The following TMEM217 variants were observed in gnomAD, a reference collection of about 807,000 sequenced individuals.
TMEM217 encodes transmembrane protein 217.
For synonymous variants in TMEM217, 76 were observed against 88.3 expected (o/e 0.86, Z 0.78); for missense variants, 204 against 248.8 (o/e 0.82, Z 1.21).
intron 1 of TMEM217, among the ~76,000 whole-genome samples, chr6:37,254,262 G>A (rs1326528370): frequency 6.6e-6 from 1 of 152,140 alleles, no homozygotes; most frequent in African/African-American, 2.4e-5. Flanking sequence ...GGAAGCACTG[G>A]TCTAGTGGAC....
intron 1 of TMEM217, among the ~76,000 whole-genome samples, chr6:37,229,283 C>T (rs1449684732): frequency 6.8e-6 from 1 of 148,130 alleles, no homozygotes; most frequent in Non-Finnish European, 1.5e-5. Context: ...TGTGGGAGGT[C>T]GCTCTTCAAC....
intron 1 of TMEM217, among the ~76,000 whole-genome samples, chr6:37,221,813 C>T (rs1763538431): frequency 6.6e-6 from 1 of 152,130 alleles, no homozygotes; most frequent in Non-Finnish European, 1.5e-5. Flanking sequence ...AGTGTTAGAT[C>T]AGCTAAAAGG....
exon 1 of TMEM217, chr6:37,258,044 C>T: frequency 6.5e-7 from 1 of 1,543,078 alleles, no homozygotes; most frequent in Non-Finnish European, 8.8e-7. Flanking sequence ...CTGAATCCCG[C>T]GGGCCTGGGG....
downstream of TMEM217, among the ~76,000 whole-genome samples, chr6:37,213,801 ATCT>A (rs1204960971): frequency 7.2e-5 from 11 of 152,216 alleles, no homozygotes; most frequent in African/African-American, 2.2e-4. Context: ...CACAACCTGA[ATCT>A]TCTTCTTACT....
At chr6:37,218,169 CT>C (rs11404339) in exon 2 of TMEM217, 32,289 of 980,978 alleles carry the variant, frequency 0.033, no homozygotes, top group Non-Finnish European at 0.035. Context: ...AAGCTGCTAA[CT>C]TTTTTTTTTT....
At chr6:37,250,936 T>C (rs1422103693) in intron 1 of TMEM217, among the ~76,000 whole-genome samples, 1 of 152,258 alleles carries the variant, frequency 6.6e-6, no homozygotes, top group African/African-American at 2.4e-5. Flanking sequence ...ATCACCAATA[T>C]GATGGTATTA....
chr6:37,234,826 G>C (rs1764405984), intron 1 of TMEM217, among the ~76,000 whole-genome samples: 1 of 152,086 alleles, frequency 6.6e-6, no homozygotes, highest in Non-Finnish European at 1.5e-5. Context: ...ACTGAAAGTG[G>C]TTACCTGTGA....
chr6:37,226,907 T>C (rs1459029124), intron 1 of TMEM217, among the ~76,000 whole-genome samples: 1 of 152,230 alleles, frequency 6.6e-6, no homozygotes, highest in Non-Finnish European at 1.5e-5. Context: ...TAACAACTCA[T>C]GTATTGTCTT....
chr6:37,236,276 CT>C (rs1764498924), intron 1 of TMEM217, among the ~76,000 whole-genome samples: 1 of 152,200 alleles, frequency 6.6e-6, no homozygotes, highest in African/African-American at 2.4e-5. Context: ...GCATGAGCCA[CT>C]GTGCCTGGCC....
At chr6:37,213,167 T>C (rs1242830303), downstream of TMEM217, among the ~76,000 whole-genome samples, 5 of 152,228 alleles carry the variant, frequency 3.3e-5, no homozygotes, top group African/African-American at 1.2e-4. Flanking sequence ...TGGCCTAACT[T>C]GCTAGATGTG....
intron 1 of TMEM217, among the ~76,000 whole-genome samples, chr6:37,249,302 ATTCTTC>A (rs576424238): frequency 9.9e-5 from 15 of 151,792 alleles, no homozygotes; most frequent in South Asian, 4.2e-4. Context: ...ATTTCTTTTC[ATTCTTC>A]TTCTTCTTCT....
intron 1 of TMEM217, among the ~76,000 whole-genome samples, chr6:37,245,646 A>G (rs1765019908): frequency 6.6e-6 from 1 of 152,194 alleles, no homozygotes; most frequent in Non-Finnish European, 1.5e-5. Flanking sequence ...TATCATGGGC[A>G]GCAAAAACAC....
intron 1 of TMEM217, among the ~76,000 whole-genome samples, chr6:37,242,733 T>C (rs1378417582): frequency 6.6e-6 from 1 of 152,208 alleles, no homozygotes; most frequent in African/African-American, 2.4e-5. Context: ...CTTCTTCACC[T>C]GCTCATCTCT....
At chr6:37,228,992 G>A (rs1245906012) in intron 1 of TMEM217, among the ~76,000 whole-genome samples, 1 of 150,546 alleles carries the variant, frequency 6.6e-6, no homozygotes, top group Non-Finnish European at 1.5e-5. Flanking sequence ...GAGAGACTCC[G>A]TCTCAAAAAA....
At chr6:37,237,807 T>C (rs1368367158) in intron 1 of TMEM217, among the ~76,000 whole-genome samples, 1 of 152,150 alleles carries the variant, frequency 6.6e-6, no homozygotes, top group Non-Finnish European at 1.5e-5. Context: ...TCTTTCTCTA[T>C]ATATATACAC....
At chr6:37,256,484 T>A (rs1765740273) in intron 1 of TMEM217, among the ~76,000 whole-genome samples, 1 of 152,134 alleles carries the variant, frequency 6.6e-6, no homozygotes, top group Admixed American at 6.5e-5. Context: ...TAGAGGGGCT[T>A]TTTTTCTCTG....
chr6:37,228,592 T>C (rs991400529), intron 1 of TMEM217, among the ~76,000 whole-genome samples: 2 of 152,164 alleles, frequency 1.3e-5, no homozygotes, highest in African/African-American at 4.8e-5. Context: ...TAGTCCCAGA[T>C]ACTCGGGAGG....
chr6:37,231,913 A>G (rs996144975), intron 1 of TMEM217, among the ~76,000 whole-genome samples: 9 of 151,808 alleles, frequency 5.9e-5, no homozygotes, highest in African/African-American at 1.9e-4. Flanking sequence ...TGTGGCTAAA[A>G]AAAAATTACA....
chr6:37,218,081 G>T, exon 2 of TMEM217: 1 of 1,013,564 alleles, frequency 9.9e-7, no homozygotes, highest in Non-Finnish European at 1.2e-6. Context: ...AAAGGAAATA[G>T]AACTACCCTG....
Sources: allele counts gnomAD v4.1 joint callset (sites outside exome capture counted in the v4.1 genomes callset), GRCh38; gene constraint gnomAD v4.1.1; transcripts MANE v1.5; gene names NCBI Gene and HGNC (gene_info 2026-07-23, HGNC 2026-07-21).